Variants in ABCC4 observed in about 807,000 individuals in gnomAD.
The protein encoded by ABCC4 is ATP-binding cassette sub-family C member 4.
ABCC4 carries 102 observed loss-of-function variants against 168.5 expected under a neutral mutation model. The observed-to-expected ratio is 0.61, with a 90% confidence interval of 0.52 to 0.71. The LOEUF (loss-of-function observed/expected upper bound fraction) is 0.71. Among genes scored for constraint, ABCC4 ranks in the 30% least tolerant of loss-of-function variants. The pLI is 0.00. For missense variants in ABCC4, 1,402 were observed against 1,605.8 expected, an observed-to-expected ratio of 0.87 and a Z score of 2.17; for synonymous variants, 617 against 590.7, an observed-to-expected ratio of 1.04 and a Z score of -0.65.
At chr13:95,087,379 C>T (rs373846011) in intron 20 of ABCC4, among the ~76,000 whole-genome samples, 26 of 152,120 alleles carry the variant, frequency 1.7e-4, no homozygotes, top group Non-Finnish European at 3.4e-4. Flanking sequence ...CTTAGCTGGG[C>T]GTGGTGGTGC....
chr13:95,084,352 C>T (rs1032770539), intron 20 of ABCC4, among the ~76,000 whole-genome samples: 34 of 152,176 alleles, frequency 2.2e-4, no homozygotes, highest in Admixed American at 1.8e-3. Context: ...CCCCAGCATA[C>T]GGCTAGCTTT....
chr13:95,095,173 T>A (rs1221156350), intron 20 of ABCC4, among the ~76,000 whole-genome samples: 1 of 152,188 alleles, frequency 6.6e-6, no homozygotes, highest in Non-Finnish European at 1.5e-5. Flanking sequence ...TAAATCATTA[T>A]TTGGAAAAGA....
At chr13:95,253,441 T>C (rs994031073) in intron 1 of ABCC4, among the ~76,000 whole-genome samples, 5 of 151,960 alleles carry the variant, frequency 3.3e-5, no homozygotes, top group Non-Finnish European at 7.4e-5. Flanking sequence ...AATGAGCACA[T>C]CCTCCAAAAA....
At chr13:95,033,001 G>A (rs1462017463) in intron 30 of ABCC4, among the ~76,000 whole-genome samples, 4 of 108,720 alleles carry the variant, frequency 3.7e-5, no homozygotes, top group African/African-American at 1.2e-4. Context: ...ATGGTGTCTC[G>A]CTCTGTCGCC....
At chr13:95,168,584 T>A (rs1020340114) in intron 14 of ABCC4, among the ~76,000 whole-genome samples, 1 of 152,200 alleles carries the variant, frequency 6.6e-6, no homozygotes. Flanking sequence ...TTAACACTCG[T>A]TTTTGTTATT....
At chr13:95,050,089 T>C (rs2032765423) in intron 27 of ABCC4, among the ~76,000 whole-genome samples, 1 of 152,196 alleles carries the variant, frequency 6.6e-6, no homozygotes, top group South Asian at 2.1e-4. Flanking sequence ...AGAGACAGAA[T>C]GTGACAGAGA....
At chr13:95,073,363 C>A in intron 23 of ABCC4, 59 bp from the exon 24 acceptor site, 2 of 1,241,928 alleles carry the variant, frequency 1.6e-6, no homozygotes, top group South Asian at 1.3e-5. Context: ...AGCCTGGCTC[C>A]TTCTGCCACT....
At chr13:95,036,467 T>A (rs576299459) in intron 29 of ABCC4, among the ~76,000 whole-genome samples, 2 of 151,554 alleles carry the variant, frequency 1.3e-5, no homozygotes, top group Admixed American at 1.3e-4. Flanking sequence ...TGAATGCCAC[T>A]GAGACCAGGA....
At chr13:95,151,608 G>GAGAAGGAGA (rs557721111) in intron 19 of ABCC4, among the ~76,000 whole-genome samples, 3,992 of 149,836 alleles carry the variant, frequency 0.027, 162 homozygotes, top group African/African-American at 0.089. Flanking sequence ...GGAGGAGAAG[G>GAGAAGGAGA]AGAAGGAGAA....
rs143075351 is a variant in ABCC4, at chr13:95,198,040, C to T, written c.1162-3103G>A. ...AAAGCCTAGGTAATACCATTCAGGACATAGGCATGGCAAAGACTTCACGAC... is the reference window on the plus strand; with the variant it reads ...AAAGCCTAGGTAATACCATTCAGGATATAGGCATGGCAAAGACTTCACGAC... On this transcript the variant is annotated intron_variant, in intron 8 of 30. Transcript: ENST00000645237. Among the ~76,000 whole-genome samples, 1,006 of 152,250 alleles carry T rather than the reference C, an allele frequency of 6.6e-3. 13 individuals carry two copies. Among genetic ancestry groups the T allele is most frequent in the African/African-American group, 0.023 (965 of 41,540 alleles).
At chr13:95,128,194 A>G (rs1463848930) in intron 19 of ABCC4, among the ~76,000 whole-genome samples, 1 of 152,184 alleles carries the variant, frequency 6.6e-6, no homozygotes, top group African/African-American at 2.4e-5. Context: ...GGAGGTAATT[A>G]AATAACAATT....
chr13:95,181,473 T>C (rs1476124599), intron 11 of ABCC4, among the ~76,000 whole-genome samples: 1 of 152,178 alleles, frequency 6.6e-6, no homozygotes, highest in African/African-American at 2.4e-5. Flanking sequence ...AGTCCCCCAA[T>C]CAGAAAACAT....
chr13:95,165,829 G>A (rs1036082806), intron 15 of ABCC4, among the ~76,000 whole-genome samples: 2 of 152,114 alleles, frequency 1.3e-5, no homozygotes, highest in East Asian at 1.9e-4. Flanking sequence ...AAGAGAAGTC[G>A]GGGGCCACCA....
intron 27 of ABCC4, among the ~76,000 whole-genome samples, chr13:95,049,043 CA>C (rs1566371362): frequency 2.0e-5 from 3 of 152,042 alleles, no homozygotes; most frequent in Admixed American, 6.6e-5. Context: ...AAAGAAACCC[CA>C]AAAAACGAGC....
At chr13:95,043,874 TAAAA>T in intron 28 of ABCC4, 87 bp from the exon 29 acceptor site, 1 of 767,000 alleles carries the variant, frequency 1.3e-6, no homozygotes, top group Non-Finnish European at 2.1e-6. Context: ...AATAGAGATT[TAAAA>T]AAAAAAGATC....
At chr13:95,061,594 T>TTGTGTGTGTG (rs57517042) in intron 26 of ABCC4, among the ~76,000 whole-genome samples, 72 of 133,938 alleles carry the variant, frequency 5.4e-4, no homozygotes, top group Non-Finnish European at 7.2e-4. Context: ...GAATATGTGT[T>TTGTGTGTGTG]TGTGTGTGTG....
At chr13:95,047,398 C>T (rs2032622091) in intron 27 of ABCC4, among the ~76,000 whole-genome samples, 1 of 150,880 alleles carries the variant, frequency 6.6e-6, no homozygotes, top group Non-Finnish European at 1.5e-5. Flanking sequence ...GTGCTTGGTA[C>T]CAAGTAAGAG....
At position 95,103,918 on chromosome 13, in the gene ABCC4, T is replaced by C. The variant is rs761456545; in HGVS notation, c.2535+12004A>G. Among the ~76,000 whole-genome samples the C allele has an allele frequency of 7.9e-5, 12 of 152,066 alleles. 1 individual carries two copies. The highest frequency in any genetic ancestry group is 2.1e-4 in the South Asian group (1 of 4,826). ...CAGTGTCCCTGTAGATATCCTAAACTCCTGCACTTCCTGCCATATGTGCCT... is the reference window on the plus strand; with the variant it reads ...CAGTGTCCCTGTAGATATCCTAAACCCCTGCACTTCCTGCCATATGTGCCT... On this transcript the variant is annotated intron_variant, in intron 20 of 30. Transcript: ENST00000645237.
At position 95,175,302 on chromosome 13, in the gene ABCC4, T is replaced by C. The variant is rs530629349; in HGVS notation, c.1727+2405A>G. ...TAGAAATTGAACAGAGAACCTTTTT[T>C]AAAATTTTTTTTTTATTATTATTAT... On this transcript the variant is annotated intron_variant, in intron 13 of 30. Coordinates refer to ENST00000645237, the MANE Select transcript of ABCC4 (RefSeq NM_005845.5). Among the ~76,000 whole-genome samples the C allele has an allele frequency of 7.9e-5, 12 of 152,214 alleles. No individual in the cohort carries two copies. The East Asian group carries it at 2.1e-3, about 27-fold the overall frequency.
Sources: gnomAD v4.1 joint callset for allele counts (sites outside exome capture counted in the v4.1 genomes callset) on GRCh38, gnomAD v4.1.1 for gene constraint, MANE v1.5 for transcripts, NCBI Gene and HGNC (gene_info 2026-07-23, HGNC 2026-07-21) for gene names.